Variants in GPC6 observed in about 807,000 individuals in gnomAD.
GPC6 encodes the protein glypican-6.
In GPC6, 14 loss-of-function variants were observed where a neutral mutation model predicts 55.2. That is an observed-to-expected ratio of 0.25 (90% CI 0.17 to 0.40). GPC6 has a LOEUF of 0.40. Ranked by LOEUF, GPC6 falls within the 10% of genes least tolerant of loss-of-function variation. The probability of loss-of-function intolerance (pLI) is 1.00; values close to 1 mark genes in which losing one functional copy is unlikely to be tolerated. For synonymous variants in GPC6, 278 were observed against 259.6 expected (o/e 1.07, Z -0.68); for missense variants, 641 against 708.5 (o/e 0.90, Z 1.08).
intron 4 of GPC6, among the ~76,000 whole-genome samples, chr13:94,248,816 C>T (rs1594096610): frequency 6.6e-6 from 1 of 152,140 alleles, no homozygotes; most frequent in East Asian, 1.9e-4. Context: ...CTATTGAATC[C>T]ACTTTCCTCA....
intron 1 of GPC6, among the ~76,000 whole-genome samples, chr13:93,425,888 C>T (rs1161536160): frequency 6.6e-6 from 1 of 152,148 alleles, no homozygotes; most frequent in East Asian, 1.9e-4. Flanking sequence ...CCTACCCACT[C>T]CCTTAGGCAC....
At chr13:94,272,458 C>CTTTTTTTTTTTT in intron 4 of GPC6, among the ~76,000 whole-genome samples, 2 of 115,410 alleles carry the variant, frequency 1.7e-5, no homozygotes, top group African/African-American at 7.7e-5. Flanking sequence ...CTTTTCTTTT[C>CTTTTTTTTTTTT]TTTTCTTTTT....
chr13:93,789,509 CTATA>C (rs201331720), intron 2 of GPC6, among the ~76,000 whole-genome samples: 2,659 of 93,382 alleles, frequency 0.028, 120 homozygotes, highest in African/African-American at 0.07. Flanking sequence ...CTCTCTCTCT[CTATA>C]TATATATATA....
intron 2 of GPC6, among the ~76,000 whole-genome samples, chr13:93,640,814 T>TC (rs1216121348): frequency 1.4e-4 from 10 of 70,222 alleles, no homozygotes; most frequent in African/African-American, 4.0e-4. Context: ...CTTCCTTCCT[T>TC]CTTTCCTTCC....
intron 2 of GPC6, among the ~76,000 whole-genome samples, chr13:93,573,761 A>G (rs978811007): frequency 6.6e-6 from 1 of 152,158 alleles, no homozygotes; most frequent in African/African-American, 2.4e-5. Flanking sequence ...TCTTCCCCCA[A>G]CACACCCACA....
intron 2 of GPC6, among the ~76,000 whole-genome samples, chr13:93,692,294 T>A (rs1256214211): frequency 1.3e-5 from 2 of 152,112 alleles, no homozygotes; most frequent in Non-Finnish European, 2.9e-5. Flanking sequence ...AATTTCATGT[T>A]CAGTCAAATG....
chr13:93,270,758 C>G (rs1877492624), intron 1 of GPC6, among the ~76,000 whole-genome samples: 1 of 150,828 alleles, frequency 6.6e-6, no homozygotes, highest in Non-Finnish European at 1.5e-5. Flanking sequence ...GACAGTCCCC[C>G]CAGTGTGATA....
chr13:94,048,598 G>A (rs558889417), intron 4 of GPC6, among the ~76,000 whole-genome samples: 48 of 151,918 alleles, frequency 3.2e-4, no homozygotes, highest in Admixed American at 8.5e-4. Flanking sequence ...TGGATTAGCC[G>A]CTGTGGGGTT....
chr13:93,563,072 A>G (rs1319895288), intron 2 of GPC6, among the ~76,000 whole-genome samples: 2 of 152,178 alleles, frequency 1.3e-5, no homozygotes, highest in Non-Finnish European at 2.9e-5. Context: ...CTCTACCATT[A>G]TGGCTTTTTC....
At chr13:93,603,097 C>A (rs1261609172) in intron 2 of GPC6, among the ~76,000 whole-genome samples, 4 of 152,048 alleles carry the variant, frequency 2.6e-5, no homozygotes, top group Admixed American at 6.6e-5. Flanking sequence ...GTAGCCTCAA[C>A]CTCCTGGGCT....
chr13:94,248,945 T>G (rs1310163443), intron 4 of GPC6, among the ~76,000 whole-genome samples: 1 of 152,140 alleles, frequency 6.6e-6, no homozygotes. Context: ...AATATGTTAG[T>G]TTCAGGGTGG....
intron 2 of GPC6, among the ~76,000 whole-genome samples, chr13:93,686,087 A>G (rs1008922032): frequency 6.6e-6 from 1 of 152,146 alleles, no homozygotes; most frequent in African/African-American, 2.4e-5. Context: ...CAATTTGGAT[A>G]GCAGTTTTGA....
chr13:93,955,725 G>A (rs895769970), intron 3 of GPC6, among the ~76,000 whole-genome samples: 1 of 151,978 alleles, frequency 6.6e-6, no homozygotes, highest in Non-Finnish European at 1.5e-5. Flanking sequence ...AACAATCAGA[G>A]TCCTCACAAT....
rs140196319 is a variant in GPC6 at position 94,398,517 on chromosome 13, C to T, written c.1341C>T (p.Pro447=). 1.9e-3 allele frequency: 3,077 copies of T among 1,613,672 alleles called. 17 individuals carry two copies. Among genetic ancestry groups the T allele is most frequent in the Non-Finnish European group, 1.5e-3 (1,808 of 1,179,594 alleles). The change falls in exon 8 of 9, where the codon CCC becomes CCT. Residue 447 remains proline, a synonymous_variant. Coordinates refer to ENST00000377047, the MANE Select transcript of GPC6 (RefSeq NM_005708.5). The part of the protein sequence containing the change: ...NDGLTNQINN[P]EVDVDITRPD... ...GGCTCACCAACCAGATCAACAATCC[C>T]GAGGTGGATGTGGACATCACTCGGC... is the stretch of plus-strand genomic sequence containing the variant.
At chr13:93,587,653 C>T (rs907782353) in intron 2 of GPC6, among the ~76,000 whole-genome samples, 2 of 152,000 alleles carry the variant, frequency 1.3e-5, no homozygotes, top group East Asian at 1.9e-4. Context: ...GCAAAAATTC[C>T]GTGGAGTCCT....
intron 3 of GPC6, among the ~76,000 whole-genome samples, chr13:93,920,897 G>T (rs1327367581): frequency 2.6e-5 from 4 of 151,980 alleles, no homozygotes; most frequent in Non-Finnish European, 5.9e-5. Context: ...TCTTTCATTA[G>T]CCTTAGGTCC....
rs1189539828 is a variant in GPC6, at chr13:93,270,073, A to G, written c.160+42457A>G. 2.0e-5 allele frequency among the ~76,000 whole-genome samples: 3 copies of G among 151,608 alleles called. No individual in the cohort carries two copies. In the East Asian group the frequency reaches 5.8e-4, roughly 30 times the overall value. On this transcript the variant is annotated intron_variant, in intron 1 of 8. Coordinates refer to ENST00000377047, the MANE Select transcript of GPC6 (RefSeq NM_005708.5). ...AATTCCAGCACAGCCTGGGCAGCATAGTAAGACTATGGCTCTCAAAAAAAA... is the reference window on the plus strand; with the variant it reads ...AATTCCAGCACAGCCTGGGCAGCATGGTAAGACTATGGCTCTCAAAAAAAA...
chr13:93,755,865 A>G (rs1459762534), intron 2 of GPC6, among the ~76,000 whole-genome samples: 1 of 152,200 alleles, frequency 6.6e-6, no homozygotes, highest in Non-Finnish European at 1.5e-5. Context: ...TATGCTTTAA[A>G]GAACAGAATT....
chr13:93,965,621 A>C lies in GPC6; in HGVS notation c.712-62108A>C, dbSNP rs74109167. On this transcript the variant is annotated intron_variant, in intron 3 of 8. Coordinates refer to ENST00000377047, the MANE Select transcript of GPC6 (RefSeq NM_005708.5). ...TCACCCTCTTAAAACTTGGTCACCA[A>C]GAGGTAAACTGAACTAGCCTGCTGG... Among the ~76,000 whole-genome samples, 616 of 152,194 alleles carry C rather than the reference A, an allele frequency of 4.0e-3. 1 individual carries two copies. Among genetic ancestry groups the C allele is most frequent in the South Asian group, 0.011 (55 of 4,824 alleles).
Sources: gnomAD v4.1 joint callset for allele counts (sites outside exome capture counted in the v4.1 genomes callset) on GRCh38, gnomAD v4.1.1 for gene constraint, MANE v1.5 for transcripts, NCBI Gene and HGNC (gene_info 2026-07-23, HGNC 2026-07-21) for gene names.